SLC27A5: variants seen among roughly 807,000 people sequenced by gnomAD.
SLC27A5 encodes solute carrier family 27 member 5.
A neutral mutation model predicts 63.1 loss-of-function variants in SLC27A5; 47 were observed. The observed-to-expected ratio is 0.74, with a 90% CI of 0.59 to 0.95. The LOEUF (loss-of-function observed/expected upper bound fraction) is 0.95. Among genes scored for constraint, SLC27A5 ranks in the 40% least tolerant of loss-of-function variants. SLC27A5 has a pLI of 0.00. For synonymous variants in SLC27A5, 391 were observed against 403.8 expected, an observed-to-expected ratio of 0.97 and a Z score of 0.38; for missense variants, 940 against 921.0, an observed-to-expected ratio of 1.02 and a Z score of -0.27.
chr19:58,510,723 G>C lies in SLC27A5; in HGVS notation c.896C>G (p.Thr299Ser). 6.2e-7 allele frequency: 1 copy of C among 1,602,108 alleles called. No homozygotes were observed. The highest frequency in any genetic ancestry group is 1.1e-5 in the South Asian group (1 of 89,720). ...CTAGGGCTAATGGGCACCCTCACCA[G>C]TGGTCCCCGAGGTATAGATGAAGAG... The part of the protein sequence containing the change: ...PALFIYTSGT[T>S]GLPKPAILTH... The change falls in exon 2 of 10, where the codon ACT (threonine) becomes AGT (serine). Residue 299 changes from threonine (T) to serine (S), a missense_variant and splice_region_variant. By Grantham distance (58) the Thr-to-Ser change is moderately conservative (BLOSUM62 1). Coordinates refer to ENST00000263093, the MANE Select transcript of SLC27A5 (RefSeq NM_012254.3).
intron 3 of SLC27A5, 27 bp downstream of exon 3, chr19:58,509,820 T>G: frequency 6.2e-7 from 1 of 1,601,896 alleles, no homozygotes; most frequent in Non-Finnish European, 8.5e-7. Flanking sequence ...TCCTGTAGAC[T>G]GGAGGGATCC....
chr19:58,510,587 G>T, intron 2 of SLC27A5, 134 bp downstream of exon 2: 1 of 825,034 alleles, frequency 1.2e-6, no homozygotes, highest in Non-Finnish European at 1.8e-6. Flanking sequence ...AAAAAAAACA[G>T]CCAAACAAAA....
At chr19:58,504,373 G>C (rs1247863968) in intron 3 of SLC27A5, among the ~76,000 whole-genome samples, 2 of 152,198 alleles carry the variant, frequency 1.3e-5, no homozygotes, top group African/African-American at 4.8e-5. Context: ...AAGTGGCTGG[G>C]CACGGTGGCT....
chr19:58,510,952 G>A (rs932425617), intron 1 of SLC27A5, 22 bp from the exon 2 acceptor site: 1 of 1,549,920 alleles, frequency 6.5e-7, no homozygotes, highest in African/African-American at 1.4e-5. Context: ...GGTCAGAGGA[G>A]AAACAGAGGC....
In SLC27A5 at chr19:58,507,134, G is replaced by A. The variant is rs141707911; in HGVS notation, c.1057+2713C>T. ...AGCACTTTGGGAGGCTGAGGTGGGT[G>A]GATCATGAGGTCAGGTGTTGGAGAC... is the stretch of plus-strand genomic sequence containing the variant. On this transcript the variant is annotated intron_variant, in intron 3 of 9. Coordinates refer to ENST00000263093, the MANE Select transcript of SLC27A5 (RefSeq NM_012254.3). 7.4e-3 allele frequency among the ~76,000 whole-genome samples: 1,121 copies of A among 152,028 alleles called. 16 individuals carry two copies. The highest frequency in any genetic ancestry group is 0.025 in the African/African-American group (1,034 of 41,512).
Position 58,509,991 on chromosome 19 carries a change from C to A in SLC27A5, c.913G>T (p.Ala305Ser). Reference protein sequence around the residue: ...TSGTTGLPKPAILTHERVLQM... With the variant: ...TSGTTGLPKPSILTHERVLQM... Reference sequence around the variant, plus strand: ...AGTACCCGCTCATGCGTGAGGATGGCTGGCTTCGGGAGGCCTTGGGATGAA... The same window carrying A: ...AGTACCCGCTCATGCGTGAGGATGGATGGCTTCGGGAGGCCTTGGGATGAA... The change falls in exon 3 of 10, where the codon GCC (alanine) becomes TCC (serine). Residue 305 changes from alanine to serine, a missense_variant. Transcript: ENST00000263093. 1.2e-6 allele frequency: 2 copies of A among 1,613,478 alleles called. No individual in the cohort carries two copies. Among genetic ancestry groups the A allele is most frequent in the Non-Finnish European group, 1.7e-6 (2 of 1,179,718 alleles).
At chr19:58,499,401 A>G in intron 7 of SLC27A5, 91 bp downstream of exon 7, 4 of 1,447,876 alleles carry the variant, frequency 2.8e-6, no homozygotes, top group Non-Finnish European at 2.8e-6. Context: ...TTACGACAGG[A>G]AAGTCCCGCC....
intron 3 of SLC27A5, among the ~76,000 whole-genome samples, chr19:58,503,173 C>T (rs1408811334): frequency 6.7e-6 from 1 of 149,298 alleles, no homozygotes; most frequent in Non-Finnish European, 1.5e-5. Context: ...CCACTGCACT[C>T]CAGCCTGGGC....
Position 58,511,578 on chromosome 19 carries a change from C to G in SLC27A5, c.378G>C (p.Ala126=). The G allele has an allele frequency of 6.4e-7, 1 of 1,566,942 alleles. No homozygotes were observed. Among genetic ancestry groups the G allele is most frequent in the Non-Finnish European group, 8.7e-7 (1 of 1,152,804 alleles). Residue 126 remains alanine (A), a synonymous_variant, in exon 1 of 10, where the codon GCG becomes GCC. Coordinates refer to ENST00000263093, the MANE Select transcript of SLC27A5 (RefSeq NM_012254.3). The part of the protein sequence containing the change: ...FVDAFERRAR[A]QPGRALLVWT... ...ACACCAAGAGTGCCCTGCCAGGCTG[C>G]GCTCGTGCTCGCCGCTCGAAGGCAT... is the stretch of plus-strand genomic sequence containing the variant.
At chr19:58,502,452 TG>T (rs1269260670) in intron 3 of SLC27A5, among the ~76,000 whole-genome samples, 1 of 143,610 alleles carries the variant, frequency 7.0e-6, no homozygotes, top group African/African-American at 2.6e-5. Context: ...AGTGAGAAGA[TG>T]GATGGGTGAA....
At chr19:58,500,459 G>A (rs367741354) in intron 5 of SLC27A5, 30 bp from the exon 6 acceptor site, 4 of 1,613,486 alleles carry the variant, frequency 2.5e-6, no homozygotes, top group Non-Finnish European at 3.4e-6. Context: ...GTTGACATAG[G>A]TCCTGTGGGC....
At chr19:58,499,099 G>A in intron 8 of SLC27A5, 24 bp downstream of exon 8, 4 of 1,613,288 alleles carry the variant, frequency 2.5e-6, no homozygotes, top group South Asian at 1.1e-5. Context: ...GCTGTTGGAA[G>A]TTTAAAATGA....
At chr19:58,500,817 A>T in intron 4 of SLC27A5, 111 bp from the exon 5 acceptor site, 2 of 1,498,454 alleles carry the variant, frequency 1.3e-6, no homozygotes, top group Non-Finnish European at 1.8e-6. Flanking sequence ...GTTACCTGGA[A>T]GGTGATGGGG....
At chr19:58,500,156 C>T (rs1343969572) in intron 6 of SLC27A5, among the ~76,000 whole-genome samples, 183 bp downstream of exon 6, 1 of 151,912 alleles carries the variant, frequency 6.6e-6, no homozygotes, top group Admixed American at 6.6e-5. Context: ...TGGACAGAGC[C>T]GAGAAGCTGA....
rs2053262593 is a variant in SLC27A5, at chr19:58,500,529, T to C, written c.1360A>G (p.Met454Val). ...YVGRCGALGKMSCLLRMLSPF... is the reference protein window; with the variant it reads ...YVGRCGALGKVSCLLRMLSPF... ...ACACTCACTCGGAGGAGGCAGCTCA[T>C]CTTGCCCAGGGCCCCGCAGCGCCCC... The change falls in exon 5 of 10, where the codon ATG becomes GTG. Residue 454 changes from methionine to valine, a missense_variant. Physicochemically the swap from Met to Val is conservative, Grantham distance 21. Coordinates refer to ENST00000263093, the MANE Select transcript of SLC27A5 (RefSeq NM_012254.3). The C allele has an allele frequency of 6.2e-7, 1 of 1,614,010 alleles. No individual in the cohort carries two copies. The highest frequency in any genetic ancestry group is 8.5e-7 in the Non-Finnish European group (1 of 1,179,982).
In SLC27A5 at chr19:58,511,843, C is replaced by T. The variant is rs1166864186; in HGVS notation, c.113G>A (p.Gly38Glu). ...AAGTAGCACGCAACATGTGGGATCC[C>T]CCAGGAGCCAGCGCAGGGTCAAGGC... ...AVALTLRWLL[G>E]DPTCCVLLGL... The change falls in exon 1 of 10, where the codon GGG becomes GAG. Residue 38 changes from glycine (G) to glutamate (E), a missense_variant. Coordinates refer to ENST00000263093, the MANE Select transcript of SLC27A5 (RefSeq NM_012254.3). 11 of 1,559,132 alleles carry T rather than the reference C, an allele frequency of 7.1e-6. No homozygotes were observed. Among genetic ancestry groups the T allele is most frequent in the Non-Finnish European group, 9.5e-6 (11 of 1,151,956 alleles).
In SLC27A5 at chr19:58,499,647, G is replaced by A. The variant is rs1417095879; in HGVS notation, c.1512C>T (p.Pro504=). The A allele has an allele frequency of 6.2e-7, 1 of 1,612,154 alleles. No individual in the cohort carries two copies. Among genetic ancestry groups the A allele is most frequent in the East Asian group, 2.2e-5 (1 of 44,846 alleles). ...LLLTKVVSQQ[P]FVGYRGPREL... ...CTCGGGGGCCGCGGTAGCCCACGAA[G>A]GGTTGCTGGCTTACCACCTTGGTCA... Residue 504 remains proline, a synonymous_variant, in exon 7 of 10, where the codon CCC becomes CCT. Transcript: ENST00000263093.
chr19:58,504,573 T>TGGGG (rs57027973), intron 3 of SLC27A5, among the ~76,000 whole-genome samples: 15 of 62,070 alleles, frequency 2.4e-4, no homozygotes, highest in African/African-American at 7.8e-4. Context: ...GATTGAACCC[T>TGGGG]GGGGGGGGGG....
At position 58,510,796 on chromosome 19, in the gene SLC27A5, G is replaced by C. The variant is rs574138133; in HGVS notation, c.823C>G (p.Pro275Ala). The change falls in exon 2 of 10, where the codon CCA becomes GCA. Residue 275 changes from proline to alanine, a missense_variant. By Grantham distance (27) the Pro-to-Ala change is conservative (BLOSUM62 -1). Coordinates refer to ENST00000263093, the MANE Select transcript of SLC27A5 (RefSeq NM_012254.3). ...GAALDAAPSH[P>A]VPADLRAGIT... ...CCAGCACGCAGGTCAGCAGGCACTGGGTGGGAGGGCGCTGCATCCAGGGCA... is the reference window on the plus strand; with the variant it reads ...CCAGCACGCAGGTCAGCAGGCACTGCGTGGGAGGGCGCTGCATCCAGGGCA... 1 of 1,613,672 alleles carries C rather than the reference G, an allele frequency of 6.2e-7. No individual in the cohort carries two copies. The highest frequency in any genetic ancestry group is 2.2e-5 in the East Asian group (1 of 44,882).
Sources: allele counts gnomAD v4.1 joint callset (sites outside exome capture counted in the v4.1 genomes callset), GRCh38; gene constraint gnomAD v4.1.1; transcripts MANE v1.5; gene names NCBI Gene and HGNC (gene_info 2026-07-23, HGNC 2026-07-21).